CNTN1: variants seen among roughly 807,000 people sequenced by gnomAD.
CNTN1 encodes contactin 1, also known as contactin-1.
Under a neutral mutation model 126.4 loss-of-function variants are expected in CNTN1, and 38 were observed. That is an observed-to-expected ratio of 0.30 (90% CI 0.23 to 0.39). The LOEUF is 0.39. Ranked by LOEUF, CNTN1 falls within the 10% of genes least tolerant of loss-of-function variation. CNTN1 has a pLI of 1.00. For synonymous variants in CNTN1, 413 were observed against 422.6 expected (o/e 0.98, Z 0.28); for missense variants, 1,009 against 1,248.4 (o/e 0.81, Z 2.89).
At chr12:40,744,782 A>G (rs1376726011) in intron 1 of CNTN1, among the ~76,000 whole-genome samples, 1 of 152,102 alleles carries the variant, frequency 6.6e-6, no homozygotes, top group Non-Finnish European at 1.5e-5. Flanking sequence ...CTAATGATAG[A>G]TTCATAGATA....
At chr12:40,832,001 A>G (rs1941858008) in intron 1 of CNTN1, among the ~76,000 whole-genome samples, 1 of 152,196 alleles carries the variant, frequency 6.6e-6, no homozygotes, top group Non-Finnish European at 1.5e-5. Flanking sequence ...TAAAATTAAT[A>G]GTATATATTT....
At chr12:40,884,672 T>C (rs1468315793) in intron 1 of CNTN1, among the ~76,000 whole-genome samples, 1 of 151,538 alleles carries the variant, frequency 6.6e-6, no homozygotes, top group Non-Finnish European at 1.5e-5. Context: ...CAGCATTAAG[T>C]TGCATTTTTT....
chr12:40,972,114 G>C (rs185758580), intron 15 of CNTN1: 1 of 985,508 alleles, frequency 1.0e-6, no homozygotes, highest in African/African-American at 1.7e-5. Context: ...ATTGGAAAGT[G>C]AAAATGGATA....
At chr12:41,020,268 A>G in intron 19 of CNTN1, 69 bp from the exon 20 acceptor site, 2 of 976,134 alleles carry the variant, frequency 2.0e-6, no homozygotes. Flanking sequence ...TCATATAGCA[A>G]ATGATGCTAT....
chr12:40,848,496 T>C (rs1304760703), intron 1 of CNTN1, among the ~76,000 whole-genome samples: 1 of 152,206 alleles, frequency 6.6e-6, no homozygotes, highest in East Asian at 1.9e-4. Context: ...GTGAATAATG[T>C]ATGAGTTAGC....
intron 17 of CNTN1, among the ~76,000 whole-genome samples, chr12:41,010,709 G>T (rs1948626490): frequency 6.6e-6 from 1 of 152,138 alleles, no homozygotes; most frequent in African/African-American, 2.4e-5. Context: ...TTTCCATAAA[G>T]GCTGCAGGAT....
chr12:40,813,101 CTTTT>C (rs1300261620), intron 1 of CNTN1, among the ~76,000 whole-genome samples: 1 of 113,086 alleles, frequency 8.8e-6, no homozygotes, highest in Non-Finnish European at 1.9e-5. Flanking sequence ...CTTTCTCTTT[CTTTT>C]TTTCTTTCTT....
chr12:40,771,470 G>A (rs955441548), intron 1 of CNTN1, among the ~76,000 whole-genome samples: 1 of 151,928 alleles, frequency 6.6e-6, no homozygotes, highest in African/African-American at 2.4e-5. Context: ...TGCTAGATAT[G>A]GGAAACTCTA....
chr12:40,825,624 G>A (rs527893838), intron 1 of CNTN1, among the ~76,000 whole-genome samples: 41 of 152,220 alleles, frequency 2.7e-4, no homozygotes, highest in African/African-American at 9.6e-4. Context: ...TCTGAAAAAT[G>A]GAAATTGGCT....
At chr12:40,871,448 A>G (rs1041059742) in intron 1 of CNTN1, among the ~76,000 whole-genome samples, 1 of 152,124 alleles carries the variant, frequency 6.6e-6, no homozygotes, top group Non-Finnish European at 1.5e-5. Context: ...GGAGGCCTGG[A>G]CTACAGTAGT....
chr12:40,902,570 G>A (rs1944646411), intron 1 of CNTN1, among the ~76,000 whole-genome samples: 1 of 151,874 alleles, frequency 6.6e-6, no homozygotes, highest in Non-Finnish European at 1.5e-5. Flanking sequence ...TGTACCTGAT[G>A]TGCCAAAAAA....
At chr12:40,818,573 C>A (rs1343226756) in intron 1 of CNTN1, among the ~76,000 whole-genome samples, 1 of 152,066 alleles carries the variant, frequency 6.6e-6, no homozygotes, top group African/African-American at 2.4e-5. Context: ...TTTCTCTAAC[C>A]TTTTATCAAG....
At chr12:40,762,196 C>A (rs1291376564) in intron 1 of CNTN1, among the ~76,000 whole-genome samples, 1 of 152,164 alleles carries the variant, frequency 6.6e-6, no homozygotes. Context: ...TTTACTGTTA[C>A]ACATATACAA....
Position 41,025,262 on chromosome 12 carries a change from T to C in CNTN1, c.2636T>C (p.Ile879Thr). Residue 879 changes from isoleucine to threonine, a missense_variant, in exon 21 of 24, where the codon ATA (isoleucine) becomes ACA (threonine). Ile to Thr is a moderately conservative substitution (Grantham distance 89, BLOSUM62 -1). Coordinates refer to ENST00000551295, the MANE Select transcript of CNTN1 (RefSeq NM_001843.4). ...CTTCTGCCAGACACCCAGTATTTTATAGAAGTCGGGGCCTGCAATAGTGCA... is the reference window on the plus strand; with the variant it reads ...CTTCTGCCAGACACCCAGTATTTTACAGAAGTCGGGGCCTGCAATAGTGCA... ...ENLLPDTQYF[I>T]EVGACNSAGC... 2 of 1,613,968 alleles carry C rather than the reference T, an allele frequency of 1.2e-6. No homozygotes were observed. Among genetic ancestry groups the C allele is most frequent in the Non-Finnish European group, 1.7e-6 (2 of 1,179,856 alleles).
chr12:40,766,258 G>T (rs553929094), intron 1 of CNTN1, among the ~76,000 whole-genome samples: 1 of 151,698 alleles, frequency 6.6e-6, no homozygotes, highest in Non-Finnish European at 1.5e-5. Context: ...TTGGGAAGCT[G>T]AGGCAGGAGA....
chr12:40,917,545 T>C (rs1945288797), intron 3 of CNTN1, among the ~76,000 whole-genome samples: 1 of 152,124 alleles, frequency 6.6e-6, no homozygotes, highest in African/African-American at 2.4e-5. Context: ...TCAAGTTTAG[T>C]GTCAGAGAAG....
At chr12:40,750,493 T>A (rs80307622) in intron 1 of CNTN1, among the ~76,000 whole-genome samples, 2,429 of 151,962 alleles carry the variant, frequency 0.016, 50 homozygotes, top group African/African-American at 0.054. Flanking sequence ...TTGCGTTTTT[T>A]AAAAAAGAAT....
At chr12:40,952,329 C>A (rs562760697) in intron 14 of CNTN1, among the ~76,000 whole-genome samples, 4 of 151,954 alleles carry the variant, frequency 2.6e-5, no homozygotes, top group African/African-American at 9.6e-5. Flanking sequence ...GGAGATAGTC[C>A]TAGTTTCATT....
intron 1 of CNTN1, among the ~76,000 whole-genome samples, chr12:40,865,352 T>G (rs552197324): frequency 7.9e-5 from 12 of 152,250 alleles, no homozygotes; most frequent in African/African-American, 2.9e-4. Flanking sequence ...TCAACCTTAA[T>G]GAAGTCTAAT....
Sources: allele counts gnomAD v4.1 joint callset (sites outside exome capture counted in the v4.1 genomes callset), GRCh38; gene constraint gnomAD v4.1.1; transcripts MANE v1.5; gene names NCBI Gene and HGNC (gene_info 2026-07-23, HGNC 2026-07-21).